Variants in CSGALNACT1 observed in about 807,000 individuals in gnomAD.
CSGALNACT1 encodes beta4GalNAcT-1.
Under a neutral mutation model 51.0 loss-of-function variants are expected in CSGALNACT1, and 52 were observed. That is an observed-to-expected ratio of 1.02 (90% CI 0.82 to 1.29). The LOEUF is 1.29. Among genes scored for constraint, CSGALNACT1 ranks in the 50% most tolerant of loss-of-function variants. The pLI, the probability that CSGALNACT1 is intolerant of heterozygous loss-of-function variation, is 0.00. For missense variants in CSGALNACT1, 935 were observed against 679.2 expected, an observed-to-expected ratio of 1.38 and a Z score of -4.19; for synonymous variants, 341 against 254.4, an observed-to-expected ratio of 1.34 and a Z score of -3.24.
chr8:19,735,071 T>A (rs2063897060), intron 1 of CSGALNACT1, among the ~76,000 whole-genome samples: 1 of 151,864 alleles, frequency 6.6e-6, no homozygotes, highest in Non-Finnish European at 1.5e-5. Context: ...GGGGCCAGAG[T>A]GCCAGAAGAG....
intron 1 of CSGALNACT1, among the ~76,000 whole-genome samples, chr8:19,724,712 A>G (rs1323474945): frequency 6.6e-6 from 1 of 152,228 alleles, no homozygotes; most frequent in Non-Finnish European, 1.5e-5. Flanking sequence ...CGAAGGTGCA[A>G]TGAAGTCAAT....
chr8:19,569,872 A>C (rs934695458), intron 3 of CSGALNACT1, among the ~76,000 whole-genome samples: 1 of 152,238 alleles, frequency 6.6e-6, no homozygotes, highest in African/African-American at 2.4e-5. Flanking sequence ...CACAGCAACC[A>C]AATAGAACAA....
chr8:19,420,678 A>G (rs1486336468), intron 6 of CSGALNACT1, among the ~76,000 whole-genome samples, 160 bp from the exon 6 acceptor site: 1 of 152,230 alleles, frequency 6.6e-6, no homozygotes, highest in Non-Finnish European at 1.5e-5. Flanking sequence ...CCAGACTCAC[A>G]GGATACTCAC....
At chr8:19,711,612 C>T (rs1179720947) in intron 1 of CSGALNACT1, among the ~76,000 whole-genome samples, 3 of 152,168 alleles carry the variant, frequency 2.0e-5, no homozygotes, top group African/African-American at 7.2e-5. Context: ...CCAAATGGAT[C>T]TTAGGCTATA....
intron 1 of CSGALNACT1, among the ~76,000 whole-genome samples, chr8:19,616,631 C>T (rs1267869048): frequency 1.3e-5 from 2 of 152,164 alleles, no homozygotes; most frequent in Non-Finnish European, 2.9e-5. Context: ...TCCCATGGTA[C>T]TGTCCTTGCA....
At chr8:19,462,188 C>T (rs913911353) in intron 4 of CSGALNACT1, among the ~76,000 whole-genome samples, 1 of 152,254 alleles carries the variant, frequency 6.6e-6, no homozygotes, top group African/African-American at 2.4e-5. Context: ...GAGGCCATAT[C>T]TGCACAACTG....
At position 19,442,710 on chromosome 8, in the gene CSGALNACT1, A is replaced by G. The variant is rs2061517665; in HGVS notation, c.852-2779T>C. On this transcript the variant is annotated intron_variant, in intron 5 of 9. Coordinates refer to ENST00000454498, the Ensembl canonical transcript of CSGALNACT1. ...ATTGTGCACATGTACCCTAAAACTTAAAGTATAAAAAAAAAAAAAGACTAT... is the reference window on the plus strand; with the variant it reads ...ATTGTGCACATGTACCCTAAAACTTGAAGTATAAAAAAAAAAAAAGACTAT... Among the ~76,000 whole-genome samples the G allele has an allele frequency of 3.1e-5, 3 of 96,866 alleles. No homozygotes were observed. The South Asian group carries it at 1.2e-3, about 38-fold the overall frequency. 63.5% of individuals were successfully genotyped at this position (96,866 alleles called of 152,430 possible). A position where few individuals can be genotyped will look rare whatever the true frequency, so the allele number is the denominator to read the frequency against.
At chr8:19,527,325 G>A (rs2081916284) in intron 3 of CSGALNACT1, among the ~76,000 whole-genome samples, 1 of 152,160 alleles carries the variant, frequency 6.6e-6, no homozygotes, top group African/African-American at 2.4e-5. Context: ...AGAGGGCCAG[G>A]AACAGTGGCT....
intron 4 of CSGALNACT1, among the ~76,000 whole-genome samples, chr8:19,467,745 G>A (rs1346385229): frequency 6.6e-6 from 1 of 152,158 alleles, no homozygotes; most frequent in Non-Finnish European, 1.5e-5. Flanking sequence ...AGAATTTTGG[G>A]AGGCCAAGGC....
intron 1 of CSGALNACT1, among the ~76,000 whole-genome samples, chr8:19,700,191 T>C (rs2061788087): frequency 2.0e-5 from 3 of 151,922 alleles, no homozygotes; most frequent in South Asian, 4.2e-4. Context: ...ACAATGATGT[T>C]AAGTCAGGTT....
chr8:19,718,312 G>T (rs533126257), intron 1 of CSGALNACT1, among the ~76,000 whole-genome samples: 1 of 152,054 alleles, frequency 6.6e-6, no homozygotes, highest in Non-Finnish European at 1.5e-5. Flanking sequence ...ATGTTGGCCA[G>T]GCTAGTCTTG....
chr8:19,483,913 T>C (rs986753055), intron 4 of CSGALNACT1, among the ~76,000 whole-genome samples: 19 of 152,216 alleles, frequency 1.2e-4, no homozygotes, highest in Non-Finnish European at 2.4e-4. Flanking sequence ...CCGACTATTT[T>C]GCTTTTCATG....
At chr8:19,501,590 A>G (rs1054469594) in intron 4 of CSGALNACT1, among the ~76,000 whole-genome samples, 2 of 152,240 alleles carry the variant, frequency 1.3e-5, no homozygotes, top group African/African-American at 4.8e-5. Flanking sequence ...CTGGTGACAG[A>G]AGAGCAAACC....
intron 4 of CSGALNACT1, among the ~76,000 whole-genome samples, chr8:19,504,268 G>A (rs887653859): frequency 2.0e-5 from 3 of 152,056 alleles, no homozygotes; most frequent in Non-Finnish European, 4.4e-5. Flanking sequence ...AGTAGAGATG[G>A]GGTTTCACCG....
At chr8:19,624,185 A>G (rs2054170828) in intron 1 of CSGALNACT1, among the ~76,000 whole-genome samples, 1 of 152,142 alleles carries the variant, frequency 6.6e-6, no homozygotes, top group Non-Finnish European at 1.5e-5. Flanking sequence ...ATTATCTACC[A>G]TCTACTACCT....
chr8:19,505,256 A>T (rs2077089447), exon 4 of CSGALNACT1: 1 of 1,614,082 alleles, frequency 6.2e-7, no homozygotes, highest in Non-Finnish European at 8.5e-7. Flanking sequence ...TCTCTGCAGG[A>T]CTGTTCAGGG....
chr8:19,619,255 G>C (rs116090239), intron 1 of CSGALNACT1, among the ~76,000 whole-genome samples: 6 of 146,084 alleles, frequency 4.1e-5, no homozygotes, highest in Non-Finnish European at 7.5e-5. Context: ...GGTCGGGGGG[G>C]GGTGGGCCTT....
chr8:19,709,847 G>A (rs555907438), intron 1 of CSGALNACT1, among the ~76,000 whole-genome samples: 3 of 152,244 alleles, frequency 2.0e-5, no homozygotes, highest in South Asian at 2.1e-4. Flanking sequence ...GTAAGTGGAC[G>A]CAGGACAGAG....
intron 1 of CSGALNACT1, among the ~76,000 whole-genome samples, chr8:19,673,566 G>T (rs1339962596): frequency 1.3e-5 from 2 of 152,194 alleles, no homozygotes; most frequent in Non-Finnish European, 2.9e-5. Context: ...AAAGCCACGT[G>T]TATTTCCATC....
Sources: gnomAD v4.1 joint callset for allele counts (sites outside exome capture counted in the v4.1 genomes callset) on GRCh38, gnomAD v4.1.1 for gene constraint, MANE v1.5 for transcripts, NCBI Gene and HGNC (gene_info 2026-07-23, HGNC 2026-07-21) for gene names.